The following ETFA variants were observed in gnomAD, a reference collection of about 807,000 sequenced individuals.
ETFA encodes the protein electron transfer flavoprotein subunit alpha, mitochondrial.
Under a neutral mutation model 46.2 loss-of-function variants are expected in ETFA, and 22 were observed. That is an observed-to-expected ratio of 0.48 (90% CI 0.34 to 0.68). The LOEUF (loss-of-function observed/expected upper bound fraction) is 0.68, where lower values mean the gene tolerates loss of function less well. Among genes scored for constraint, ETFA ranks in the 30% least tolerant of loss-of-function variants. The pLI is 0.01. For missense variants in ETFA, 345 were observed against 401.1 expected (o/e 0.86, Z 1.19); for synonymous variants, 131 against 139.9 (o/e 0.94, Z 0.45).
chr15:76,298,074 G>A (rs531821911), intron 1 of ETFA, among the ~76,000 whole-genome samples: 8 of 149,328 alleles, frequency 5.4e-5, no homozygotes, highest in Non-Finnish European at 1.2e-4. Context: ...AGAGAGTCTT[G>A]CTCTGTTGCC....
chr15:76,260,999 A>G lies in ETFA; in HGVS notation c.816+13413T>C, dbSNP rs1168765155. ...AGGCCACACTAGTGTTGCCGCTGGA[A>G]AGCTTTGTCACGGTGATGTTGAAGG... On this transcript the variant is annotated intron_variant, in intron 9 of 11. Coordinates refer to ENST00000557943, the MANE Select transcript of ETFA (RefSeq NM_000126.4). The G allele has an allele frequency of 5.6e-6, 9 of 1,609,760 alleles. No individual in the cohort carries two copies. In the African/African-American group the frequency reaches 1.2e-4, roughly 22 times the overall value.
intron 9 of ETFA, among the ~76,000 whole-genome samples, chr15:76,235,527 G>A (rs2039113872): frequency 2.0e-5 from 3 of 152,212 alleles, no homozygotes; most frequent in Non-Finnish European, 4.4e-5. Flanking sequence ...CTGTCTAAGT[G>A]TACCATAATA....
chr15:76,231,432 T>C, intron 9 of ETFA, 34 bp from the exon 10 acceptor site: 1 of 1,286,838 alleles, frequency 7.8e-7, no homozygotes, highest in Non-Finnish European at 1.1e-6. Context: ...TTAATATGTA[T>C]TTATATTATA....
chr15:76,228,174 A>G (rs1355435623), intron 10 of ETFA: 2 of 361,170 alleles, frequency 5.5e-6, no homozygotes, highest in East Asian at 7.3e-5. Context: ...TCATTATACT[A>G]TATAACAATT....
rs571756562 is a variant in ETFA, at chr15:76,223,819, G to A, written c.963+2030C>T. On this transcript the variant is annotated intron_variant, in intron 11 of 11. Transcript: ENST00000557943. Reference sequence around the variant, plus strand: ...GCTGCCCTTAATGCAGGAGCACAATGTGTGTGACCCCATTCTATCAATAAT... The same window carrying A: ...GCTGCCCTTAATGCAGGAGCACAATATGTGTGACCCCATTCTATCAATAAT... 2.4e-4 allele frequency among the ~76,000 whole-genome samples: 36 copies of A among 152,322 alleles called. 1 individual carries two copies. The South Asian group carries it at 7.5e-3, about 32-fold the overall frequency.
intron 9 of ETFA, chr15:76,259,690 T>C: frequency 8.5e-7 from 1 of 1,180,730 alleles, no homozygotes; most frequent in Non-Finnish European, 1.3e-6. Flanking sequence ...TCCAGGAGAG[T>C]CCAAAGTCAG....
At position 76,298,769 on chromosome 15, in the gene ETFA, C is replaced by T. The variant is rs117143808; in HGVS notation, c.40-3032G>A. ...TCTAAGATTGCACTTGGCAAACATTCTTGTGCTTAAAAAAAAAAATAGCAT... is the reference window on the plus strand; with the variant it reads ...TCTAAGATTGCACTTGGCAAACATTTTTGTGCTTAAAAAAAAAAATAGCAT... On this transcript the variant is annotated intron_variant, in intron 1 of 11. Coordinates refer to ENST00000557943, the MANE Select transcript of ETFA (RefSeq NM_000126.4). 5.9e-3 allele frequency among the ~76,000 whole-genome samples: 892 copies of T among 151,780 alleles called. 24 individuals carry two copies. Among genetic ancestry groups the T allele is most frequent in the East Asian group, 0.041 (211 of 5,164 alleles).
chr15:76,302,383 G>GGA lies in ETFA; in HGVS notation c.40-6647_40-6646insTC, dbSNP rs2039888068. Among the ~76,000 whole-genome samples the GGA allele has an allele frequency of 2.7e-5, 4 of 149,614 alleles. No individual in the cohort carries two copies. The South Asian group carries it at 8.4e-4, about 31-fold the overall frequency. ...GAACCTTGAATGCATATTACTTAGT[G>GGA]AAAAAAAAAACAGTCTGAAAAGGCT... On this transcript the variant is annotated intron_variant, in intron 1 of 11. Transcript: ENST00000557943.
chr15:76,308,928 T>C (rs908598580), intron 1 of ETFA, among the ~76,000 whole-genome samples: 1 of 152,232 alleles, frequency 6.6e-6, no homozygotes, highest in African/African-American at 2.4e-5. Flanking sequence ...TGTGGAAAGA[T>C]AAAGCAAATG....
chr15:76,247,341 C>T (rs758215184), intron 9 of ETFA, among the ~76,000 whole-genome samples: 1 of 152,164 alleles, frequency 6.6e-6, no homozygotes, highest in African/African-American at 2.4e-5. Flanking sequence ...TCTATAACCA[C>T]GAGCAAAAGG....
intron 8 of ETFA, among the ~76,000 whole-genome samples, chr15:76,275,678 A>G (rs2039584063): frequency 6.6e-6 from 1 of 151,814 alleles, no homozygotes; most frequent in Admixed American, 6.6e-5. Context: ...CTTTTTTCCT[A>G]TTTTTGTCTT....
intron 9 of ETFA, chr15:76,245,189 A>C (rs1348184241): frequency 6.6e-6 from 1 of 152,212 alleles, no homozygotes; most frequent in Non-Finnish European, 1.5e-5. Flanking sequence ...AATTACCTTT[A>C]AGAAGCATGC....
chr15:76,302,238 A>G (rs1193123234), intron 1 of ETFA, among the ~76,000 whole-genome samples: 1 of 152,254 alleles, frequency 6.6e-6, no homozygotes, highest in East Asian at 1.9e-4. Flanking sequence ...AGACGTCTAC[A>G]GCAGGTTTAT....
At position 76,274,428 on chromosome 15, in the gene ETFA, C is replaced by T. The variant is rs1278301305; in HGVS notation, c.800G>A (p.Gly267Glu). The T allele has an allele frequency of 3.7e-6, 6 of 1,610,782 alleles. No individual in the cohort carries two copies. The South Asian group carries it at 6.6e-5, about 18-fold the overall frequency. The change falls in exon 9 of 12, where the codon GGA (glycine) becomes GAA (glutamate). Residue 267 changes from glycine (G) to glutamate (E), a missense_variant. Physicochemically the swap from Gly to Glu is moderately conservative, Grantham distance 98. Coordinates refer to ENST00000557943, the MANE Select transcript of ETFA (RefSeq NM_000126.4). ...AATACTTACTGGTGCTACTATTTTT[C>T]CCGTCTGTCCAACTTGCATGTCATT... ...VPNDMQVGQT[G>E]KIVAPELYIA... is the part of the protein sequence containing the mutation.
chr15:76,272,452 C>T (rs1721981929), intron 9 of ETFA, among the ~76,000 whole-genome samples: 1 of 152,058 alleles, frequency 6.6e-6, no homozygotes, highest in Admixed American at 6.6e-5. Flanking sequence ...AATCTCCTGA[C>T]CTCGTGATCC....
At chr15:76,267,225 T>G (rs569453464) in intron 9 of ETFA, among the ~76,000 whole-genome samples, 1 of 152,242 alleles carries the variant, frequency 6.6e-6, no homozygotes, top group Admixed American at 6.5e-5. Context: ...AACAGGATGA[T>G]CTGGTTGAGT....
intron 10 of ETFA, chr15:76,228,751 CTT>C (rs990306452): frequency 2.4e-3 from 281 of 115,242 alleles, no homozygotes; most frequent in South Asian, 9.4e-3. Flanking sequence ...ATTATTATTA[CTT>C]TTTTTTTTTT....
At chr15:76,264,387 G>A (rs2039449570) in intron 9 of ETFA, among the ~76,000 whole-genome samples, 1 of 152,152 alleles carries the variant, frequency 6.6e-6, no homozygotes, top group Admixed American at 6.5e-5. Context: ...GCCCTAATTG[G>A]GGTCGATTAG....
chr15:76,283,254 C>T (rs983532157), intron 8 of ETFA, among the ~76,000 whole-genome samples: 12 of 152,022 alleles, frequency 7.9e-5, no homozygotes, highest in Non-Finnish European at 1.8e-4. Context: ...TGCAGTGGCA[C>T]GACCACAGTG....
Sources: allele counts gnomAD v4.1 joint callset (sites outside exome capture counted in the v4.1 genomes callset), GRCh38; gene constraint gnomAD v4.1.1; transcripts MANE v1.5; gene names NCBI Gene and HGNC (gene_info 2026-07-23, HGNC 2026-07-21).